The following TMEM117 variants were observed in gnomAD, a reference collection of about 807,000 sequenced individuals.
The protein encoded by TMEM117 is transmembrane protein 117.
TMEM117 carries 27 observed loss-of-function variants against 52.4 expected under a neutral mutation model. The observed-to-expected ratio is 0.51, with a 90% CI of 0.38 to 0.71. The LOEUF (loss-of-function observed/expected upper bound fraction) is 0.71, where lower values mean the gene tolerates loss of function less well. Ranked by LOEUF, TMEM117 falls within the 30% of genes least tolerant of loss-of-function variation. The probability of loss-of-function intolerance (pLI) is 0.00; values close to 1 mark genes in which losing one functional copy is unlikely to be tolerated. For synonymous variants in TMEM117, 215 were observed against 206.3 expected (o/e 1.04, Z -0.36); for missense variants, 556 against 630.5 (o/e 0.88, Z 1.26).
At chr12:43,921,505 A>C (rs1156773549) in intron 2 of TMEM117, among the ~76,000 whole-genome samples, 1 of 152,180 alleles carries the variant, frequency 6.6e-6, no homozygotes, top group African/African-American at 2.4e-5. Context: ...CATCTACAAA[A>C]TGGGAGCAAT....
At position 44,388,022 on chromosome 12, in the gene TMEM117, G is replaced by A. The variant is rs201548842; in HGVS notation, c.899-4G>A. ...ATTAATGCAGTATTTCTTTTTTAAT[G>A]CAGGCAAATGGTTTAACTATGGAAT... On this transcript the variant is annotated splice_polypyrimidine_tract_variant and splice_region_variant and intron_variant, in intron 7 of 7. Coordinates refer to ENST00000266534, the MANE Select transcript of TMEM117 (RefSeq NM_032256.3). The A allele has an allele frequency of 1.9e-4, 298 of 1,592,832 alleles. No individual in the cohort carries two copies. Among genetic ancestry groups the A allele is most frequent in the Non-Finnish European group, 2.3e-4 (274 of 1,171,016 alleles).
At chr12:43,984,786 T>G (rs1447046524) in intron 3 of TMEM117, among the ~76,000 whole-genome samples, 1 of 152,232 alleles carries the variant, frequency 6.6e-6, no homozygotes, top group Non-Finnish European at 1.5e-5. Context: ...TTTTTTTTGT[T>G]AATCTCATTT....
intron 6 of TMEM117, among the ~76,000 whole-genome samples, chr12:44,300,229 A>G (rs1482018775): frequency 3.0e-4 from 46 of 152,236 alleles, no homozygotes; most frequent in Non-Finnish European, 1.2e-4. Flanking sequence ...ACCAGAGATC[A>G]TTCCATTTTC....
chr12:44,282,400 G>A (rs893612907), intron 5 of TMEM117, among the ~76,000 whole-genome samples: 4 of 152,150 alleles, frequency 2.6e-5, no homozygotes, highest in African/African-American at 7.2e-5. Flanking sequence ...ACTTCTTAGC[G>A]ACTTACTGAA....
intron 2 of TMEM117, among the ~76,000 whole-genome samples, chr12:43,871,525 T>A (rs1222795140): frequency 3.9e-5 from 6 of 152,242 alleles, no homozygotes; most frequent in African/African-American, 1.4e-4. Context: ...TGTCCATGTG[T>A]ATGTCTTCTT....
intron 3 of TMEM117, among the ~76,000 whole-genome samples, chr12:44,128,361 T>C (rs1418387502): frequency 1.3e-5 from 2 of 152,230 alleles, no homozygotes; most frequent in Non-Finnish European, 2.9e-5. Flanking sequence ...CCCCACTTCC[T>C]CTCTCATGCA....
intron 6 of TMEM117, among the ~76,000 whole-genome samples, chr12:44,310,396 T>C (rs1427723278): frequency 6.6e-5 from 10 of 152,196 alleles, no homozygotes; most frequent in Admixed American, 2.0e-4. Context: ...CCCAGCACTT[T>C]GGGAGGCCGA....
At chr12:44,052,111 A>G (rs1482084777) in intron 3 of TMEM117, among the ~76,000 whole-genome samples, 2 of 152,246 alleles carry the variant, frequency 1.3e-5, no homozygotes, top group Non-Finnish European at 2.9e-5. Flanking sequence ...TGTGTGGCAC[A>G]TAATAAAACA....
intron 2 of TMEM117, among the ~76,000 whole-genome samples, chr12:43,929,252 T>C (rs1180544140): frequency 6.6e-6 from 1 of 152,190 alleles, no homozygotes; most frequent in African/African-American, 2.4e-5. Flanking sequence ...CTTCTGTCTT[T>C]AGTTCTTTAC....
chr12:44,280,314 G>A (rs1250408728), intron 5 of TMEM117, among the ~76,000 whole-genome samples: 5 of 152,084 alleles, frequency 3.3e-5, no homozygotes, highest in African/African-American at 1.2e-4. Context: ...TCTCAGTTGA[G>A]TTAATTGTTT....
intron 6 of TMEM117, among the ~76,000 whole-genome samples, chr12:44,321,799 C>T (rs1006967261): frequency 6.6e-6 from 1 of 152,108 alleles, no homozygotes; most frequent in Non-Finnish European, 1.5e-5. Flanking sequence ...GCAAGCTACT[C>T]AATATTAATA....
At chr12:43,849,510 A>G (rs1943268959) in intron 2 of TMEM117, among the ~76,000 whole-genome samples, 1 of 152,236 alleles carries the variant, frequency 6.6e-6, no homozygotes, top group Admixed American at 6.5e-5. Context: ...CATTTCAGTT[A>G]TGGCTTAGAT....
At chr12:44,300,684 C>T (rs572419138) in intron 6 of TMEM117, among the ~76,000 whole-genome samples, 8 of 152,084 alleles carry the variant, frequency 5.3e-5, no homozygotes, top group Non-Finnish European at 1.0e-4. Flanking sequence ...GCATTAGGTT[C>T]AAGATGGTTC....
chr12:43,889,603 G>C (rs145806444), intron 2 of TMEM117, among the ~76,000 whole-genome samples: 1 of 152,210 alleles, frequency 6.6e-6, no homozygotes. Context: ...CCCCAATGTA[G>C]ATAATAAATG....
chr12:43,889,228 G>A (rs370122584), intron 2 of TMEM117, among the ~76,000 whole-genome samples: 9 of 151,994 alleles, frequency 5.9e-5, no homozygotes, highest in South Asian at 2.1e-4. Flanking sequence ...GATTACAGGC[G>A]TCTGCCACCA....
At chr12:44,241,186 G>C (rs1403693112) in intron 5 of TMEM117, among the ~76,000 whole-genome samples, 2 of 151,126 alleles carry the variant, frequency 1.3e-5, no homozygotes, top group Non-Finnish European at 3.0e-5. Context: ...ATACTTTATT[G>C]GTTTTTTAGA....
intron 2 of TMEM117, among the ~76,000 whole-genome samples, chr12:43,943,532 T>C (rs149696794): frequency 6.6e-6 from 1 of 152,322 alleles, no homozygotes; most frequent in African/African-American, 2.4e-5. Context: ...TCTCTAACTT[T>C]AGCATTTGTC....
chr12:43,958,544 C>T (rs566779648), intron 3 of TMEM117, among the ~76,000 whole-genome samples: 1 of 152,218 alleles, frequency 6.6e-6, no homozygotes, highest in South Asian at 2.1e-4. Context: ...ATAAATGTTA[C>T]GTATTCAGGA....
At chr12:43,903,604 A>C (rs1290329722) in intron 2 of TMEM117, among the ~76,000 whole-genome samples, 2 of 152,154 alleles carry the variant, frequency 1.3e-5, no homozygotes, top group African/African-American at 2.4e-5. Context: ...GTGATAAAGG[A>C]GCATTTATAG....
Sources: gnomAD v4.1 joint callset for allele counts (sites outside exome capture counted in the v4.1 genomes callset) on GRCh38, gnomAD v4.1.1 for gene constraint, MANE v1.5 for transcripts, NCBI Gene and HGNC (gene_info 2026-07-23, HGNC 2026-07-21) for gene names.